Variants in WBP1L observed in about 807,000 individuals in gnomAD.
The protein encoded by WBP1L is WW domain binding protein 1 like.
A neutral mutation model predicts 33.7 loss-of-function variants in WBP1L; 17 were observed. The observed-to-expected ratio is 0.50, with a 90% CI of 0.34 to 0.76. The LOEUF is 0.76. Ranked by LOEUF, WBP1L falls within the 30% of genes least tolerant of loss-of-function variation. The pLI, the probability that WBP1L is intolerant of heterozygous loss-of-function variation, is 0.01. For missense variants in WBP1L, 389 were observed against 469.4 expected, an observed-to-expected ratio of 0.83 and a Z score of 1.58; for synonymous variants, 173 against 190.8, an observed-to-expected ratio of 0.91 and a Z score of 0.77.
At chr10:102,755,225 G>A (rs1301521778) in intron 1 of WBP1L, among the ~76,000 whole-genome samples, 3 of 151,976 alleles carry the variant, frequency 2.0e-5, no homozygotes, top group Non-Finnish European at 1.5e-5. Context: ...GGGATTACAG[G>A]TGTGAGCCAC....
chr10:102,768,629 T>C lies in WBP1L; in HGVS notation c.90+24486T>C, dbSNP rs1320477496. On this transcript the variant is annotated intron_variant, in intron 1 of 3. Coordinates refer to ENST00000448841, the MANE Select transcript of WBP1L (RefSeq NM_001083913.2). ...TGGTCTCGATCTCCTGACCTCATGA[T>C]CCACCCGCCTCGGCCTCCCAAAGTG... is the stretch of plus-strand genomic sequence containing the variant. Among the ~76,000 whole-genome samples, 2 of 53,726 alleles carry C rather than the reference T, an allele frequency of 3.7e-5. 1 individual carries two copies. Among genetic ancestry groups the C allele is most frequent in the Non-Finnish European group, 6.9e-5 (2 of 28,818 alleles). 35.2% of individuals were successfully genotyped at this position (53,726 alleles called of 152,430 possible).
At chr10:102,794,004 C>A (rs867156897) in intron 1 of WBP1L, among the ~76,000 whole-genome samples, 5 of 152,094 alleles carry the variant, frequency 3.3e-5, no homozygotes, top group Admixed American at 6.6e-5. Flanking sequence ...CTCCTGGGCT[C>A]CAGTAATCTG....
intron 1 of WBP1L, chr10:102,776,304 A>T: frequency 6.2e-7 from 1 of 1,612,406 alleles, no homozygotes; most frequent in Non-Finnish European, 8.5e-7. Context: ...CCGCACACAC[A>T]GGCCCACCAG....
chr10:102,775,366 G>T (rs939927040), intron 1 of WBP1L, among the ~76,000 whole-genome samples: 10 of 152,132 alleles, frequency 6.6e-5, no homozygotes, highest in African/African-American at 1.9e-4. Context: ...CATCCCCAGG[G>T]CCCTTGCTTG....
At chr10:102,797,842 C>T (rs951114578) in intron 1 of WBP1L, 151 bp from the exon 2 acceptor site, 29 of 690,622 alleles carry the variant, frequency 4.2e-5, no homozygotes, top group East Asian at 9.1e-5. Flanking sequence ...TGAGCCACCG[C>T]GCCTGGCCAA....
Position 102,798,033 on chromosome 10 carries a change from T to G in WBP1L, c.131T>G (p.Ile44Ser). The change falls in exon 2 of 4, where the codon ATC becomes AGC. Residue 44 changes from isoleucine (I) to serine (S), a missense_variant. Transcript: ENST00000448841. ...ACVGTNNQSY[I>S]CDTGHCCGQS... ...GTGGGTACCAACAATCAAAGCTACA[T>G]CTGTGACACAGGACACTGCTGTGGA... 6.2e-7 allele frequency: 1 copy of G among 1,614,122 alleles called. No individual in the cohort carries two copies. The highest frequency in any genetic ancestry group is 8.5e-7 in the Non-Finnish European group (1 of 1,180,004).
intron 2 of WBP1L, among the ~76,000 whole-genome samples, chr10:102,807,386 C>CT (rs538936894): frequency 1.3e-4 from 20 of 149,554 alleles, no homozygotes; most frequent in African/African-American, 3.9e-4. Context: ...TCCATATATA[C>CT]TTTTTTTTTT....
At chr10:102,812,562 C>T (rs1843859014) in intron 3 of WBP1L, 33 bp from the exon 4 acceptor site, 1 of 1,544,126 alleles carries the variant, frequency 6.5e-7, no homozygotes. Flanking sequence ...ATGACCAGTG[C>T]AGTAATTTCT....
At chr10:102,785,664 C>T (rs1364789026) in intron 1 of WBP1L, among the ~76,000 whole-genome samples, 1 of 152,182 alleles carries the variant, frequency 6.6e-6, no homozygotes, top group Non-Finnish European at 1.5e-5. Context: ...GAGTGGATGA[C>T]AGTAGGCTAA....
At chr10:102,786,156 A>G (rs1402249002) in intron 1 of WBP1L, among the ~76,000 whole-genome samples, 2 of 152,074 alleles carry the variant, frequency 1.3e-5, no homozygotes, top group Admixed American at 6.5e-5. Context: ...TTTGGCAGTA[A>G]CAGTACTGGT....
At chr10:102,766,111 G>A (rs911127020) in intron 1 of WBP1L, among the ~76,000 whole-genome samples, 1 of 151,900 alleles carries the variant, frequency 6.6e-6, no homozygotes, top group Admixed American at 6.6e-5. Context: ...ACCAGCCTTG[G>A]CAACATAGGA....
At chr10:102,754,271 A>C (rs1047983741) in intron 1 of WBP1L, among the ~76,000 whole-genome samples, 5 of 152,206 alleles carry the variant, frequency 3.3e-5, no homozygotes, top group African/African-American at 1.2e-4. Flanking sequence ...AAGTTTTGCA[A>C]ATCCCTTTGC....
intron 1 of WBP1L, among the ~76,000 whole-genome samples, chr10:102,780,092 G>A (rs1843317016): frequency 6.6e-6 from 1 of 152,132 alleles, no homozygotes; most frequent in Non-Finnish European, 1.5e-5. Flanking sequence ...AAGACCTCAG[G>A]GCCCTTCTTT....
chr10:102,803,383 G>A (rs1843685140), intron 2 of WBP1L, among the ~76,000 whole-genome samples: 1 of 152,136 alleles, frequency 6.6e-6, no homozygotes, highest in African/African-American at 2.4e-5. Flanking sequence ...GAACTCTTGG[G>A]GTTTGTAGTG....
In WBP1L at chr10:102,760,900, C is replaced by CT. The variant is rs199727549; in HGVS notation, c.90+16765dup. Among the ~76,000 whole-genome samples, 746 of 151,586 alleles carry CT rather than the reference C, an allele frequency of 4.9e-3. 4 individuals carry two copies. Among genetic ancestry groups the CT allele is most frequent in the African/African-American group, 0.014 (564 of 41,386 alleles). ...TTTCTCCCGTTCTGTTTTGCCCCCA[C>CT]TTTTTTTTGAGATGGAGTCTCTGTC... On this transcript the variant is annotated intron_variant, in intron 1 of 3. Coordinates refer to ENST00000448841, the MANE Select transcript of WBP1L (RefSeq NM_001083913.2).
At chr10:102,806,945 C>A (rs549210714) in intron 2 of WBP1L, among the ~76,000 whole-genome samples, 9 of 152,108 alleles carry the variant, frequency 5.9e-5, no homozygotes, top group Non-Finnish European at 1.2e-4. Flanking sequence ...GGAAAAACAT[C>A]AAGGATTTAT....
chr10:102,796,042 G>T (rs1457696038), intron 1 of WBP1L, among the ~76,000 whole-genome samples: 1 of 152,140 alleles, frequency 6.6e-6, no homozygotes, highest in East Asian at 1.9e-4. Context: ...CAACTTAATG[G>T]TTTTTCAGCT....
intron 1 of WBP1L, among the ~76,000 whole-genome samples, chr10:102,763,879 T>C (rs147573680): frequency 8.5e-5 from 13 of 152,312 alleles, no homozygotes; most frequent in African/African-American, 3.1e-4. Context: ...AGTGGCGCGA[T>C]CTCGACTCAC....
chr10:102,812,826 C>A lies in WBP1L; in HGVS notation c.587C>A (p.Ala196Asp). The change falls in exon 4 of 4, where the codon GCT becomes GAT. Residue 196 changes from alanine to aspartate, a missense_variant. Coordinates refer to ENST00000448841, the MANE Select transcript of WBP1L (RefSeq NM_001083913.2). ...AGCAGCACAAGACCCCCAAGCATCG[C>A]TGACCCTGATCCCTCTGACCTACCA... ...SRSSTRPPSI[A>D]DPDPSDLPVD... 6.3e-7 allele frequency: 1 copy of A among 1,592,680 alleles called. No individual in the cohort carries two copies. The highest frequency in any genetic ancestry group is 1.7e-5 in the Admixed American group (1 of 57,416).
Sources: gnomAD v4.1 joint callset for allele counts (sites outside exome capture counted in the v4.1 genomes callset) on GRCh38, gnomAD v4.1.1 for gene constraint, MANE v1.5 for transcripts, NCBI Gene and HGNC (gene_info 2026-07-23, HGNC 2026-07-21) for gene names.